Variants in NCOR1 observed in about 807,000 individuals in gnomAD.
NCOR1 encodes the protein protein phosphatase 1, regulatory subunit 109.
In NCOR1, 63 loss-of-function variants were observed where a neutral mutation model predicts 288.1. That is an observed-to-expected ratio of 0.22 (90% confidence interval 0.18 to 0.27). The LOEUF is 0.27. NCOR1 is among the 10% of genes least tolerant of loss of function. The pLI is 1.00. For missense variants in NCOR1, 2,397 were observed against 3,019.2 expected (o/e 0.79, Z 4.83); for synonymous variants, 1,007 against 1,065.9 (o/e 0.94, Z 1.08).
intron 1 of NCOR1, among the ~76,000 whole-genome samples, chr17:16,214,810 GA>G (rs1318317435): frequency 6.6e-6 from 1 of 152,330 alleles, no homozygotes; most frequent in East Asian, 1.9e-4. Context: ...ATAAACGGCA[GA>G]AGGTATAGTG....
At chr17:16,146,576 ATAAT>A (rs1392225922) in intron 9 of NCOR1, 28 bp from the exon 10 acceptor site, 1 of 1,538,492 alleles carries the variant, frequency 6.5e-7, no homozygotes, top group Non-Finnish European at 8.8e-7. Flanking sequence ...CAAATTAATA[ATAAT>A]TAAACTAAAC....
chr17:16,158,823 C>T lies in NCOR1; in HGVS notation c.669G>A (p.Val223=). 1.2e-6 allele frequency: 2 copies of T among 1,614,086 alleles called. No homozygotes were observed. The highest frequency in any genetic ancestry group is 1.7e-6 in the Non-Finnish European group (2 of 1,180,014). The change falls in exon 6 of 46, where the codon GTG becomes GTA. Residue 223 remains valine (V), a synonymous_variant. Transcript: ENST00000268712. ...GTTTCTGCTCCACAGGAGGAGGGGACACGGGCTTCTCAGGCTCAGGAGGTT... is the reference window on the plus strand; with the variant it reads ...GTTTCTGCTCCACAGGAGGAGGGGATACGGGCTTCTCAGGCTCAGGAGGTT... ...AAKPPEPEKP[V]SPPPVEQKHR...
Position 16,121,258 on chromosome 17 carries a change from T to C in NCOR1, c.1646A>G (p.Lys549Arg), listed in dbSNP as rs1263219989. The change falls in exon 16 of 46, where the codon AAG becomes AGG. Residue 549 changes from lysine to arginine, a missense_variant. By Grantham distance (26) the Lys-to-Arg change is conservative. Around this residue, in one of 11 missense-constraint regions of NCOR1, gnomAD observed 113 missense variants for 139.5 expected, o/e 0.81. Coordinates refer to ENST00000268712, the MANE Select transcript of NCOR1 (RefSeq NM_006311.4). ...DEKEDSKENTKEKDKIDGTAE... is the reference protein window; with the variant it reads ...DEKEDSKENTREKDKIDGTAE... ...TGTACCATCTATCTTGTCCTTTTCCTTGGTATTTTCTCTGGACACAAAAGC... is the reference window on the plus strand; with the variant it reads ...TGTACCATCTATCTTGTCCTTTTCCCTGGTATTTTCTCTGGACACAAAAGC... 5.6e-6 allele frequency: 9 copies of C among 1,613,022 alleles called. No homozygotes were observed. The highest frequency in any genetic ancestry group is 7.6e-6 in the Non-Finnish European group (9 of 1,179,682).
rs1427059293 is a variant in NCOR1, at chr17:16,121,287, T to C, written c.1635-18A>G. 1 of 1,603,172 alleles carries C rather than the reference T, an allele frequency of 6.2e-7. No individual in the cohort carries two copies. Among genetic ancestry groups the C allele is most frequent in the South Asian group, 1.1e-5 (1 of 90,058 alleles). On this transcript the variant is annotated intron_variant, in intron 15 of 45. Coordinates refer to ENST00000268712, the MANE Select transcript of NCOR1 (RefSeq NM_006311.4). Reference sequence around the variant, plus strand: ...TATTTTCTCTGGACACAAAAGCAAATGAAAACTTGTGTGATTCCAAAGTAT... The same window carrying C: ...TATTTTCTCTGGACACAAAAGCAAACGAAAACTTGTGTGATTCCAAAGTAT...
At chr17:16,097,999 T>G (rs1385713666) in intron 21 of NCOR1, among the ~76,000 whole-genome samples, 1 of 152,162 alleles carries the variant, frequency 6.6e-6, no homozygotes, top group East Asian at 1.9e-4. Context: ...GCCCATACAT[T>G]TGGTATAGTA....
chr17:16,074,591 G>A (rs1448758725), intron 27 of NCOR1, among the ~76,000 whole-genome samples: 1 of 152,162 alleles, frequency 6.6e-6, no homozygotes, highest in Non-Finnish European at 1.5e-5. Context: ...TGCAGCATCT[G>A]GCACTATGTA....
In NCOR1 at chr17:16,061,217, T is replaced by C. The variant is rs753286910; in HGVS notation, c.5881+184A>G. ...AGTTTTCTTGTGGAAGATACATTGA[T>C]AGGCTTATATGTAGGAAACTGGGAT... On this transcript the variant is annotated intron_variant, in intron 37 of 45. Coordinates refer to ENST00000268712, the MANE Select transcript of NCOR1 (RefSeq NM_006311.4). Among the ~76,000 whole-genome samples the C allele has an allele frequency of 2.7e-3, 409 of 152,340 alleles. 8 individuals are homozygous for C. Among genetic ancestry groups the C allele is most frequent in the Non-Finnish European group, 5.4e-4 (37 of 68,032 alleles).
rs185585883 is a variant in NCOR1, at chr17:16,177,964, T to G, written c.243-5969A>C. Among the ~76,000 whole-genome samples the G allele has an allele frequency of 5.3e-5, 8 of 151,826 alleles. No individual in the cohort carries two copies. The East Asian group carries it at 1.6e-3, about 29-fold the overall frequency. On this transcript the variant is annotated intron_variant, in intron 3 of 45. Coordinates refer to ENST00000268712, the MANE Select transcript of NCOR1 (RefSeq NM_006311.4). ...GTGGCTCACGCCTGTAATCCCAGCA[T>G]TTTGGGAGGCTGAGGCGGGCGGATC... is the stretch of plus-strand genomic sequence containing the variant.
intron 21 of NCOR1, among the ~76,000 whole-genome samples, chr17:16,096,871 G>A (rs2066722489): frequency 6.6e-6 from 1 of 152,122 alleles, no homozygotes; most frequent in Non-Finnish European, 1.5e-5. Flanking sequence ...GTCCAGAGGT[G>A]GAAGCAATCC....
chr17:16,152,061 A>C, intron 7 of NCOR1, 63 bp from the exon 8 acceptor site: 1 of 1,154,590 alleles, frequency 8.7e-7, no homozygotes, highest in Non-Finnish European at 1.2e-6. Flanking sequence ...AGAGACAAAG[A>C]AACATAATTT....
At chr17:16,064,012 T>A in intron 35 of NCOR1, 56 bp downstream of exon 35, 1 of 1,594,534 alleles carries the variant, frequency 6.3e-7, no homozygotes, top group Non-Finnish European at 8.6e-7. Context: ...TTAAGCACAG[T>A]GTACAAGATT....
chr17:16,038,703 G>A (rs1190561764), intron 44 of NCOR1, among the ~76,000 whole-genome samples: 3 of 152,022 alleles, frequency 2.0e-5, no homozygotes, highest in African/African-American at 7.2e-5. Context: ...CTCCCAAAGT[G>A]CTATGATTAC....
At chr17:16,166,723 T>C (rs916996293) in intron 4 of NCOR1, among the ~76,000 whole-genome samples, 11 of 151,974 alleles carry the variant, frequency 7.2e-5, no homozygotes, top group African/African-American at 2.7e-4. Context: ...TAACCATCTT[T>C]ATCAACCTTT....
At chr17:16,208,101 C>T (rs1325808015) in intron 1 of NCOR1, among the ~76,000 whole-genome samples, 2 of 122,516 alleles carry the variant, frequency 1.6e-5, no homozygotes, top group African/African-American at 3.1e-5. Context: ...AATGTAGTGG[C>T]GCAATCTCGG....
At position 16,107,813 on chromosome 17, in the gene NCOR1, T is replaced by C. The variant is rs183900918; in HGVS notation, c.2182+973A>G. On this transcript the variant is annotated intron_variant, in intron 19 of 45. Transcript: ENST00000268712. ...CTCTACTCTTGTAAAGATGACCTCATTTTTCACAAACCCTCCCAAAAACAA... is the reference window on the plus strand; with the variant it reads ...CTCTACTCTTGTAAAGATGACCTCACTTTTCACAAACCCTCCCAAAAACAA... Among the ~76,000 whole-genome samples, 238 of 152,234 alleles carry C rather than the reference T, an allele frequency of 1.6e-3. 3 individuals carry two copies. Among genetic ancestry groups the C allele is most frequent in the African/African-American group, 5.5e-3 (227 of 41,536 alleles).
Position 16,058,284 on chromosome 17 carries a change from T to C in NCOR1, c.6010+187A>G, listed in dbSNP as rs1210849128. On this transcript the variant is annotated intron_variant, in intron 38 of 45. Transcript: ENST00000268712. ...TGCAGAAGTAAGCAAACAAAATTAA[T>C]ATAAACAATTTTCTGTATCATTAAA... The C allele has an allele frequency of 8.7e-6, 8 of 914,904 alleles. No individual in the cohort carries two copies. The East Asian group carries it at 1.9e-4, about 22-fold the overall frequency. The allele number at this position is 914,904 out of a possible 1,614,324, so 56.7% of individuals were successfully genotyped here.
intron 4 of NCOR1, among the ~76,000 whole-genome samples, chr17:16,169,869 C>T (rs1782886569): frequency 6.6e-6 from 1 of 151,816 alleles, no homozygotes; most frequent in Non-Finnish European, 1.5e-5. Context: ...TGCAGCAGAA[C>T]ATTTCTTATA....
intron 17 of NCOR1, among the ~76,000 whole-genome samples, chr17:16,118,547 G>C (rs1453794938): frequency 6.6e-6 from 1 of 152,110 alleles, no homozygotes; most frequent in Non-Finnish European, 1.5e-5. Flanking sequence ...ATGCATTACA[G>C]AAACCTATGC....
intron 15 of NCOR1, among the ~76,000 whole-genome samples, chr17:16,124,359 CA>C (rs1362436136): frequency 2.0e-5 from 3 of 151,912 alleles, no homozygotes; most frequent in African/African-American, 4.8e-5. Flanking sequence ...CTAGAGAAAG[CA>C]AAAAAGATAC....
Sources: gnomAD v4.1 joint callset for allele counts (sites outside exome capture counted in the v4.1 genomes callset) on GRCh38, gnomAD v4.1.1 for gene constraint, gnomAD v4.1.1 regional missense constraint, MANE v1.5 for transcripts, NCBI Gene and HGNC (gene_info 2026-07-23, HGNC 2026-07-21) for gene names.